The following DPP6 variants were observed in gnomAD, a reference collection of about 807,000 sequenced individuals.
DPP6 encodes the protein A-type potassium channel modulatory protein DPP6.
In DPP6, 69 loss-of-function variants were observed where a neutral mutation model predicts 122.6. The ratio of observed to expected loss-of-function variants is 0.56; its 90% confidence interval spans 0.46 to 0.69. The LOEUF is 0.69. Ranked by LOEUF, DPP6 falls within the 30% of genes least tolerant of loss-of-function variation. The pLI, the probability that DPP6 is intolerant of heterozygous loss-of-function variation, is 0.00. For synonymous variants in DPP6, 418 were observed against 433.1 expected (o/e 0.97, Z 0.43); for missense variants, 928 against 1,116.9 (o/e 0.83, Z 2.41).
At chr7:154,530,224 A>C (rs74733900) in intron 3 of DPP6, among the ~76,000 whole-genome samples, 5,077 of 152,286 alleles carry the variant, frequency 0.033, 110 homozygotes, top group South Asian at 0.083. Context: ...GTGAAGAGAT[A>C]TCCATCTGCC....
At chr7:154,102,291 G>A (rs1254167545) in intron 1 of DPP6, among the ~76,000 whole-genome samples, 1 of 152,138 alleles carries the variant, frequency 6.6e-6, no homozygotes, top group Non-Finnish European at 1.5e-5. Flanking sequence ...CTGGGTTCAA[G>A]CGATTCTCCC....
intron 1 of DPP6, among the ~76,000 whole-genome samples, chr7:153,963,877 G>A (rs1004116935): frequency 3.3e-5 from 5 of 152,190 alleles, no homozygotes; most frequent in South Asian, 2.1e-4. Flanking sequence ...CACAGTGCAC[G>A]AGGCCTGGTT....
At chr7:154,592,467 G>A (rs1200529856) in intron 5 of DPP6, among the ~76,000 whole-genome samples, 1 of 152,336 alleles carries the variant, frequency 6.6e-6, no homozygotes, top group East Asian at 1.9e-4. Context: ...GTGGTGGACA[G>A]AGCCGGGGAA....
intron 1 of DPP6, among the ~76,000 whole-genome samples, chr7:154,334,896 A>G (rs1224889993): frequency 6.6e-6 from 1 of 152,050 alleles, no homozygotes; most frequent in Non-Finnish European, 1.5e-5. Context: ...ACTCTGTCTC[A>G]AAAGAAAAGG....
intron 1 of DPP6, among the ~76,000 whole-genome samples, chr7:154,365,648 G>T (rs887880385): frequency 2.0e-5 from 3 of 152,138 alleles, no homozygotes; most frequent in Admixed American, 6.5e-5. Flanking sequence ...CACATTCACC[G>T]TCCTTCTTAA....
chr7:153,805,254 G>A, the DPP6 span, among the ~76,000 whole-genome samples: 1 of 152,168 alleles, frequency 6.6e-6, no homozygotes, highest in African/African-American at 2.4e-5. Context: ...TTTTAGACTT[G>A]ATAAAATATA....
intron 4 of DPP6, among the ~76,000 whole-genome samples, chr7:154,554,492 C>A (rs1277670514): frequency 1.3e-5 from 2 of 151,952 alleles, no homozygotes; most frequent in African/African-American, 2.4e-5. Context: ...TCTTTTTTCC[C>A]TAACAACCAC....
rs2150714582 is a variant in DPP6 at position 154,894,019 on chromosome 7, T to C, written c.*1539T>C. ...ATCCACATGAGCTCTGAACGTCCGT[T>C]ATAGTTAGGGTGATTGGAAGGTCTC... On this transcript the variant is annotated 3_prime_UTR_variant, in exon 26 of 26. Transcript: ENST00000377770. The C allele has an allele frequency of 6.6e-6, 1 of 152,200 alleles. No homozygotes were observed. Among genetic ancestry groups the C allele is most frequent in the East Asian group, 1.9e-4 (1 of 5,196 alleles). The allele number at this position is 152,200 out of a possible 1,614,324, so 9.4% of individuals were successfully genotyped here.
At chr7:154,380,208 G>T (rs956067573) in intron 1 of DPP6, among the ~76,000 whole-genome samples, 7 of 152,182 alleles carry the variant, frequency 4.6e-5, no homozygotes, top group South Asian at 2.1e-4. Context: ...TGTGTTGAAT[G>T]TATTAGGTGT....
intron 1 of DPP6, among the ~76,000 whole-genome samples, chr7:154,167,662 AG>A (rs551656737): frequency 6.6e-6 from 1 of 152,138 alleles, no homozygotes; most frequent in African/African-American, 2.4e-5. Context: ...AGCTGTTTTC[AG>A]GGGGGCATTT....
chr7:154,376,270 C>T (rs1813124597), intron 1 of DPP6, among the ~76,000 whole-genome samples: 1 of 152,202 alleles, frequency 6.6e-6, no homozygotes, highest in Non-Finnish European at 1.5e-5. Context: ...GCTGGAAGGA[C>T]TGAAGCCACT....
At chr7:153,978,841 A>G (rs1796437594) in intron 1 of DPP6, among the ~76,000 whole-genome samples, 1 of 151,986 alleles carries the variant, frequency 6.6e-6, no homozygotes, top group Non-Finnish European at 1.5e-5. Context: ...TAGGTTTGTC[A>G]AAGATCAGAT....
chr7:153,941,219 A>G (rs6973729), intron 1 of DPP6, among the ~76,000 whole-genome samples: 21,765 of 152,226 alleles, frequency 0.14, 1,790 homozygotes, highest in African/African-American at 0.22. Context: ...ATGTGTTGGA[A>G]TGTGTTGTCA....
At chr7:154,257,271 C>T (rs1257550857) in intron 1 of DPP6, among the ~76,000 whole-genome samples, 2 of 152,000 alleles carry the variant, frequency 1.3e-5, no homozygotes, top group African/African-American at 4.8e-5. Flanking sequence ...GAGGCTATTC[C>T]TACCTGTTGT....
chr7:154,207,730 T>C (rs1042267761), intron 1 of DPP6, among the ~76,000 whole-genome samples: 2 of 152,254 alleles, frequency 1.3e-5, no homozygotes, highest in African/African-American at 4.8e-5. Context: ...CATACTATCT[T>C]TTTATAAATG....
intron 1 of DPP6, among the ~76,000 whole-genome samples, chr7:154,293,753 G>A (rs1212159727): frequency 1.3e-5 from 2 of 152,218 alleles, no homozygotes; most frequent in African/African-American, 2.4e-5. Flanking sequence ...TTGCTTTGCA[G>A]ATGATGAGTT....
chr7:153,941,464 C>T (rs1801692967), intron 1 of DPP6, among the ~76,000 whole-genome samples: 1 of 152,138 alleles, frequency 6.6e-6, no homozygotes, highest in Non-Finnish European at 1.5e-5. Context: ...CAATTCATCC[C>T]AGTAGTCCAG....
At chr7:154,586,985 A>G (rs946158882) in intron 5 of DPP6, among the ~76,000 whole-genome samples, 4 of 152,250 alleles carry the variant, frequency 2.6e-5, no homozygotes, top group African/African-American at 7.2e-5. Context: ...AAATGAAAGA[A>G]CAAATGAATT....
rs1295946911 is a variant in DPP6 at position 154,369,267 on chromosome 7, G to T, written c.244-76947G>T. On this transcript the variant is annotated intron_variant, in intron 1 of 25. Transcript: ENST00000377770. ...GCACCACCACGCCCAGCTAGTTTTT[G>T]TATTTTTAGTAGAGATGAGGTTTCA... is the stretch of plus-strand genomic sequence containing the variant. Among the ~76,000 whole-genome samples the T allele has an allele frequency of 2.6e-5, 4 of 151,778 alleles. No homozygotes were observed. In the East Asian group the frequency reaches 7.8e-4, roughly 29 times the overall value.
Sources: allele counts gnomAD v4.1 joint callset (sites outside exome capture counted in the v4.1 genomes callset), GRCh38; gene constraint gnomAD v4.1.1; transcripts MANE v1.5; gene names NCBI Gene and HGNC (gene_info 2026-07-23, HGNC 2026-07-21).